The following MAPK12 variants were observed in gnomAD, a reference collection of about 807,000 sequenced individuals.
MAPK12 encodes MAP kinase 12.
In MAPK12, 49 loss-of-function variants were observed where a neutral mutation model predicts 49.1. The ratio of observed to expected loss-of-function variants is 1.00; its 90% CI spans 0.79 to 1.27. The LOEUF (loss-of-function observed/expected upper bound fraction) is 1.27, where lower values mean the gene tolerates loss of function less well. Ranked by LOEUF, MAPK12 falls within the 50% of genes most tolerant of loss-of-function variation. The probability of loss-of-function intolerance (pLI) is 0.00; values close to 1 mark genes in which losing one functional copy is unlikely to be tolerated. For synonymous variants in MAPK12, 251 were observed against 209.7 expected (o/e 1.20, Z -1.70); for missense variants, 554 against 502.4 (o/e 1.10, Z -0.98).
intron 2 of MAPK12, among the ~76,000 whole-genome samples, chr22:50,259,841 G>A (rs749189519): frequency 1.8e-3 from 270 of 151,416 alleles, no homozygotes; most frequent in Non-Finnish European, 3.2e-3. Flanking sequence ...CTGAGATCGT[G>A]CCATTGCACT....
Position 50,253,042 on chromosome 22 carries a change from C to T in MAPK12, c.*359G>A. 1 of 358,688 alleles carries T rather than the reference C, an allele frequency of 2.8e-6. No homozygotes were observed. Among genetic ancestry groups the T allele is most frequent in the Non-Finnish European group, 5.3e-6 (1 of 187,150 alleles). 22.2% of individuals were successfully genotyped at this position (358,688 alleles called of 1,614,324 possible). On this transcript the variant is annotated 3_prime_UTR_variant, in exon 12 of 12. Transcript: ENST00000215659. Reference sequence around the variant, plus strand: ...CCCTGAGTTGGTGCCCTGCGCCCACCCTCTGTCCTTCCTCTGCATGGCCCA... The same window carrying T: ...CCCTGAGTTGGTGCCCTGCGCCCACTCTCTGTCCTTCCTCTGCATGGCCCA...
chr22:50,253,640 T>C, intron 11 of MAPK12, 160 bp from the exon 12 acceptor site: 1 of 612,760 alleles, frequency 1.6e-6, no homozygotes, highest in South Asian at 1.9e-5. Context: ...GAAGAGGCCA[T>C]TGCTCTAGAT....
chr22:50,258,375 C>T lies in MAPK12; in HGVS notation c.256-74G>A, dbSNP rs1292395352. 2.3e-6 allele frequency: 3 copies of T among 1,305,636 alleles called. No individual in the cohort carries two copies. In the East Asian group the frequency reaches 6.9e-5, roughly 30 times the overall value. The allele number at this position is 1,305,636 out of a possible 1,614,324, so 80.9% of individuals were successfully genotyped here. A position where few individuals can be genotyped will look rare whatever the true frequency, so the allele number is the denominator to read the frequency against. On this transcript the variant is annotated intron_variant, in intron 2 of 11. Transcript: ENST00000215659. ...GGCACCCCCCAAGAGTGGCACAACCCTCTGGGCAGGAAACCCCCTCTGCAG... is the reference window on the plus strand; with the variant it reads ...GGCACCCCCCAAGAGTGGCACAACCTTCTGGGCAGGAAACCCCCTCTGCAG...
At chr22:50,261,058 G>C (rs2272856) in intron 2 of MAPK12, 109 bp downstream of exon 2, 962,134 of 1,286,456 alleles carry the variant, frequency 0.75, 361,452 homozygotes, top group Middle Eastern at 0.77. Context: ...ACCCCCGCCC[G>C]GCCCCACAGC....
rs35396905 is a variant in MAPK12, at chr22:50,255,813, C to T, written c.688G>A (p.Asp230Asn). Residue 230 changes from aspartate to asparagine, a missense_variant, in exon 8 of 12, where the codon GAC becomes AAC. By Grantham distance (23) the Asp-to-Asn change is conservative (BLOSUM62 1). Transcript: ENST00000215659. ...CCGCCCTGCGGCTGGAGGATACGGT[C>T]GCTGCCCTTGAACAGCGTCTTGCCT... ...ITGKTLFKGS[D>N]HLDQLKEIMK... The T allele has an allele frequency of 1.7e-4, 267 of 1,612,548 alleles. No homozygotes were observed. The highest frequency in any genetic ancestry group is 2.2e-4 in the Non-Finnish European group (257 of 1,180,006).
chr22:50,256,883 G>A, intron 5 of MAPK12, 52 bp downstream of exon 5: 2 of 1,591,232 alleles, frequency 1.3e-6, no homozygotes, highest in Non-Finnish European at 1.7e-6. Flanking sequence ...CGTGGAGGCG[G>A]GGGGATTGCA....
intron 2 of MAPK12, among the ~76,000 whole-genome samples, chr22:50,260,237 TG>T (rs1458880859): frequency 1.0e-3 from 18 of 17,222 alleles, no homozygotes; most frequent in Non-Finnish European, 1.8e-3. Flanking sequence ...CGGGGCACTT[TG>T]CTGGTGGACG....
At chr22:50,256,779 C>A in intron 5 of MAPK12, 133 bp from the exon 6 acceptor site, 2 of 1,511,510 alleles carry the variant, frequency 1.3e-6, no homozygotes, top group Non-Finnish European at 1.8e-6. Flanking sequence ...CAAGGGCAGA[C>A]CAAGGTACCT....
intron 7 of MAPK12, 75 bp from the exon 8 acceptor site, chr22:50,255,956 G>T: frequency 6.6e-7 from 1 of 1,514,290 alleles, no homozygotes; most frequent in Non-Finnish European, 9.1e-7. Flanking sequence ...CACCAACACA[G>T]CCCACCTGCC....
rs776728630 is a variant in MAPK12 at position 50,256,970 on chromosome 22, G to T, written c.427-6C>A. 3.4e-5 allele frequency: 54 copies of T among 1,606,630 alleles called. 1 individual carries two copies. Among genetic ancestry groups the T allele is most frequent in the Non-Finnish European group, 4.3e-5 (51 of 1,178,118 alleles). ...ATGCCGGCAGCGTGGATATACTGCG[G>T]GGGGCAGAGGATTTGGCAGGCTTCA... On this transcript the variant is annotated splice_polypyrimidine_tract_variant and splice_region_variant and intron_variant, in intron 4 of 11. Transcript: ENST00000215659.
intron 4 of MAPK12, 43 bp downstream of exon 4, chr22:50,257,039 G>A (rs1362115703): frequency 1.6e-5 from 25 of 1,605,108 alleles, no homozygotes; most frequent in East Asian, 4.5e-5. Context: ...GCCCAGCCCC[G>A]AGGCCCTGCC....
rs753162308 is a variant in MAPK12 at position 50,257,108 on chromosome 22, C to T, written c.400G>A (p.Val134Met). The change falls in exon 4 of 12, where the codon GTG becomes ATG. Residue 134 changes from valine (V) to methionine (M), a missense_variant. Transcript: ENST00000215659. ...CTCAGCCCCTTCAGCATCTGGTACACGAGGAACTGGATCCGGTCCTCGCCT... is the reference window on the plus strand; with the variant it reads ...CTCAGCCCCTTCAGCATCTGGTACATGAGGAACTGGATCCGGTCCTCGCCT... ...KLGEDRIQFL[V>M]YQMLKGLRYI... The T allele has an allele frequency of 1.2e-5, 19 of 1,612,546 alleles. No homozygotes were observed. Among genetic ancestry groups the T allele is most frequent in the East Asian group, 4.5e-5 (2 of 44,888 alleles).
intron 11 of MAPK12, chr22:50,254,181 G>A (rs1451139979): frequency 6.5e-6 from 1 of 153,138 alleles, no homozygotes; most frequent in African/African-American, 2.4e-5. Flanking sequence ...CCAGCCTGAG[G>A]CTGCACAGGC....
At chr22:50,258,185 G>A in intron 3 of MAPK12, 58 bp downstream of exon 3, 1 of 1,544,592 alleles carries the variant, frequency 6.5e-7, no homozygotes, top group Non-Finnish European at 8.9e-7. Context: ...CCTGAAGCCA[G>A]TGCCCAGAGC....
intron 3 of MAPK12, chr22:50,257,801 CAG>C (rs1474804152): frequency 4.2e-6 from 3 of 713,176 alleles, no homozygotes; most frequent in African/African-American, 1.7e-5. Context: ...TCTTGGCCGA[CAG>C]GGTGTGAGTC....
rs758067990 is a variant in MAPK12 at position 50,258,232 on chromosome 22, T to A, written c.314+11A>T. 2 of 1,612,748 alleles carry A rather than the reference T, an allele frequency of 1.2e-6. No individual in the cohort carries two copies. Among genetic ancestry groups the A allele is most frequent in the Non-Finnish European group, 1.7e-6 (2 of 1,179,852 alleles). On this transcript the variant is annotated intron_variant, in intron 3 of 11. Coordinates refer to ENST00000215659, the MANE Select transcript of MAPK12 (RefSeq NM_002969.6). ...CCTCGTGCCCAGCGGCCAGCCCAGG[T>A]CGGCACTCACAAGTCCGTGAAGTCA...
At position 50,255,458 on chromosome 22, in the gene MAPK12, G is replaced by A. The variant is rs2065139226; in HGVS notation, c.845C>T (p.Pro282Leu). The change falls in exon 10 of 12, where the codon CCT becomes CTT. Residue 282 changes from proline (P) to leucine (L), a missense_variant. Physicochemically the swap from Pro to Leu is moderately conservative, Grantham distance 98. Coordinates refer to ENST00000215659, the MANE Select transcript of MAPK12 (RefSeq NM_002969.6). ...DFASILTNASPLAVNLLEKML... is the reference protein window; with the variant it reads ...DFASILTNASLLAVNLLEKML... ...CCCACACTAGCCAGCCGTACCCAGA[G>A]GGCTTGCATTGGTCAGGATAGAGGC... 3 of 1,613,040 alleles carry A rather than the reference G, an allele frequency of 1.9e-6. No individual in the cohort carries two copies. The highest frequency in any genetic ancestry group is 1.3e-5 in the African/African-American group (1 of 74,932).
At position 50,261,235 on chromosome 22, in the gene MAPK12, G is replaced by A; in HGVS notation, c.187C>T (p.Gln63Ter). ...GCGCGCTTGGCGAACAGCTCGGACT[G>A]GAAAGGCCGATACAGCTTCTTGATG... ...VAIKKLYRPF[Q>*]SELFAKRAYR... Residue 63 changes from glutamine to a stop codon, truncating the protein, a stop_gained, in exon 2 of 12, where the codon CAG becomes TAG. Transcript: ENST00000215659. LOFTEE classifies it high-confidence loss of function. 2 of 1,585,104 alleles carry A rather than the reference G, an allele frequency of 1.3e-6. No individual in the cohort carries two copies. The highest frequency in any genetic ancestry group is 1.7e-6 in the Non-Finnish European group (2 of 1,167,252).
Position 50,261,564 on chromosome 22 carries a change from C to T in MAPK12, c.-55G>A. 9.7e-7 allele frequency: 1 copy of T among 1,026,988 alleles called. No homozygotes were observed. The highest frequency in any genetic ancestry group is 8.9e-5 in the East Asian group (1 of 11,214). 63.6% of individuals were successfully genotyped at this position (1,026,988 alleles called of 1,614,324 possible). ...AGCCTGCGGGCGGTGCCCCCACGACCGGGGACGGGGCTCCCTCGGCGCGCG... is the reference window on the plus strand; with the variant it reads ...AGCCTGCGGGCGGTGCCCCCACGACTGGGGACGGGGCTCCCTCGGCGCGCG... On this transcript the variant is annotated 5_prime_UTR_variant, in exon 1 of 12. Transcript: ENST00000215659.
Sources: gnomAD v4.1 joint callset for allele counts (sites outside exome capture counted in the v4.1 genomes callset) on GRCh38, gnomAD v4.1.1 for gene constraint, MANE v1.5 for transcripts, NCBI Gene and HGNC (gene_info 2026-07-23, HGNC 2026-07-21) for gene names.